The following ADA2 variants were observed in gnomAD, a reference collection of about 807,000 sequenced individuals.
The protein encoded by ADA2 is adenosine deaminase CECR1.
A neutral mutation model predicts 44.2 loss-of-function variants in ADA2; 29 were observed. The observed-to-expected ratio is 0.66, with a 90% CI of 0.49 to 0.89. ADA2 has a LOEUF of 0.89. Among genes scored for constraint, ADA2 ranks in the 40% least tolerant of loss-of-function variants. The pLI is 0.00. For missense variants in ADA2, 637 were observed against 644.8 expected (o/e 0.99, Z 0.13); for synonymous variants, 215 against 234.9 (o/e 0.92, Z 0.77).
Position 17,188,363 on chromosome 22 carries a change from A to G in ADA2, c.1057T>C (p.Tyr353His). 1 of 1,613,970 alleles carries G rather than the reference A, an allele frequency of 6.2e-7. No homozygotes were observed. The highest frequency in any genetic ancestry group is 8.5e-7 in the Non-Finnish European group (1 of 1,179,852). Reference sequence around the variant, plus strand: ...CCTGTTTCTCCGGCGTGGAAGAAGTAAGGCAGCTTAACGCCATCCTTGGCG... The same window carrying G: ...CCTGTTTCTCCGGCGTGGAAGAAGTGAGGCAGCTTAACGCCATCCTTGGCG... ...IPAKDGVKLP[Y>H]FFHAGETDWQ... The change falls in exon 7 of 10, where the codon TAC (tyrosine) becomes CAC (histidine). Residue 353 changes from tyrosine (Y) to histidine (H), a missense_variant. Coordinates refer to ENST00000399837, the MANE Select transcript of ADA2 (RefSeq NM_001282225.2).
intron 1 of ADA2, among the ~76,000 whole-genome samples, chr22:17,211,764 C>T (rs1344513027): frequency 6.6e-6 from 1 of 151,832 alleles, no homozygotes; most frequent in African/African-American, 2.4e-5. Context: ...CCCGTCTCTA[C>T]TGAAAATACA....
At chr22:17,193,242 A>C in intron 4 of ADA2, 2 of 956,676 alleles carry the variant, frequency 2.1e-6, no homozygotes, top group Non-Finnish European at 3.3e-6. Context: ...CCATCGTGGA[A>C]AGAGCTGCCC....
At position 17,195,805 on chromosome 22, in the gene ADA2, G is replaced by C. The variant is rs1367992594; in HGVS notation, c.754-3995C>G. On this transcript the variant is annotated intron_variant, in intron 4 of 9. Coordinates refer to ENST00000399837, the MANE Select transcript of ADA2 (RefSeq NM_001282225.2). ...AGACGGAGTCTCGCTCTGTCACCCA[G>C]GCTGGAGTGCAGTGGTGCGATCTCG... Among the ~76,000 whole-genome samples, 4 of 148,128 alleles carry C rather than the reference G, an allele frequency of 2.7e-5. No homozygotes were observed. In the South Asian group the frequency reaches 8.5e-4, roughly 32 times the overall value.
chr22:17,208,354 A>G (rs757101216), intron 2 of ADA2, among the ~76,000 whole-genome samples: 6 of 150,120 alleles, frequency 4.0e-5, no homozygotes, highest in Non-Finnish European at 8.9e-5. Context: ...AACCTGGAAG[A>G]AGGATGTTGC....
At chr22:17,205,374 G>A (rs2062343024) in intron 3 of ADA2, among the ~76,000 whole-genome samples, 1 of 151,984 alleles carries the variant, frequency 6.6e-6, no homozygotes, top group Admixed American at 6.6e-5. Flanking sequence ...TCAGCCTCCC[G>A]AAGTGCTAGG....
Position 17,193,292 on chromosome 22 carries a change from G to A in ADA2, c.754-1482C>T, listed in dbSNP as rs751910428. ...GTCACCAACCCCAATGCCAGGCTGCGCAGCAAAGAAAATGAGTAGACAGCT... is the reference window on the plus strand; with the variant it reads ...GTCACCAACCCCAATGCCAGGCTGCACAGCAAAGAAAATGAGTAGACAGCT... On this transcript the variant is annotated intron_variant, in intron 4 of 9. Coordinates refer to ENST00000399837, the MANE Select transcript of ADA2 (RefSeq NM_001282225.2). 4.8e-5 allele frequency: 31 copies of A among 643,938 alleles called. 1 individual carries two copies. Among genetic ancestry groups the A allele is most frequent in the East Asian group, 1.8e-4 (6 of 32,676 alleles). 39.9% of individuals were successfully genotyped at this position (643,938 alleles called of 1,614,324 possible).
intron 6 of ADA2, chr22:17,188,825 G>A (rs1254594778): frequency 8.4e-6 from 1 of 119,278 alleles, no homozygotes; most frequent in African/African-American, 3.1e-5. Context: ...CTTGCAGTGA[G>A]CTGAGATCAC....
chr22:17,220,484 G>A (rs1478173306), upstream of ADA2, among the ~76,000 whole-genome samples: 1 of 152,124 alleles, frequency 6.6e-6, no homozygotes, highest in East Asian at 1.9e-4. Context: ...TCCATTGTCA[G>A]AATTAAAGGA....
In ADA2 at chr22:17,181,475, G is replaced by A. The variant is rs985554067; in HGVS notation, c.*8C>T. The A allele has an allele frequency of 1.9e-6, 3 of 1,583,134 alleles. No individual in the cohort carries two copies. The African/African-American group carries it at 4.0e-5, about 21-fold the overall frequency. On this transcript the variant is annotated 3_prime_UTR_variant, in exon 10 of 10. Coordinates refer to ENST00000399837, the MANE Select transcript of ADA2 (RefSeq NM_001282225.2). ...AAGACAGCTTGTAGAGGGCTGGCTA[G>A]CTTCTCCTCACTTTGTAGCCACATC...
chr22:17,215,956 C>T (rs2062466532), intron 1 of ADA2, among the ~76,000 whole-genome samples: 2 of 151,532 alleles, frequency 1.3e-5, no homozygotes, highest in Non-Finnish European at 1.5e-5. Context: ...TAAAAATTAT[C>T]GGCAGGCAGA....
At chr22:17,193,357 G>C in intron 4 of ADA2, 1 of 47,026 alleles carries the variant, frequency 2.1e-5, no homozygotes. Flanking sequence ...CGTAAAAACT[G>C]CAAAAAAAAA....
At chr22:17,182,165 G>A in intron 8 of ADA2, 143 bp from the exon 9 acceptor site, 1 of 658,440 alleles carries the variant, frequency 1.5e-6, no homozygotes, top group Non-Finnish European at 2.6e-6. Flanking sequence ...TCTGGGCAGA[G>A]TCACAAGGAG....
Position 17,182,555 on chromosome 22 carries a change from T to C in ADA2, c.1239+49A>G, listed in dbSNP as rs201026252. The C allele has an allele frequency of 1.2e-5, 19 of 1,582,592 alleles. No individual in the cohort carries two copies. In the East Asian group the frequency reaches 3.6e-4, roughly 30 times the overall value. ...AGCAAAAAGTTTAAGAGAGCAGAGGTTGTGGTTAGGGGAGATCATATGGGA... is the reference window on the plus strand; with the variant it reads ...AGCAAAAAGTTTAAGAGAGCAGAGGCTGTGGTTAGGGGAGATCATATGGGA... On this transcript the variant is annotated intron_variant, in intron 8 of 9. Transcript: ENST00000399837.
At chr22:17,193,132 G>T (rs2062141998) in intron 4 of ADA2, 1 of 1,400,890 alleles carries the variant, frequency 7.1e-7, no homozygotes, top group East Asian at 2.3e-5. Flanking sequence ...GCTTCCAGAA[G>T]TTCCTGGTCC....
chr22:17,214,147 T>C, intron 1 of ADA2: 1 of 734,076 alleles, frequency 1.4e-6, no homozygotes. Flanking sequence ...CAGAGTCAGC[T>C]GGACGAAATA....
intron 5 of ADA2, 130 bp downstream of exon 5, chr22:17,191,553 G>A: frequency 9.8e-7 from 1 of 1,025,510 alleles, no homozygotes; most frequent in Non-Finnish European, 1.5e-6. Context: ...GCACAGCACA[G>A]CTCCTTGGCA....
At chr22:17,219,219 T>A (rs2062501706) in intron 1 of ADA2, 137 bp downstream of exon 1, 1 of 152,290 alleles carries the variant, frequency 6.6e-6, no homozygotes, top group Non-Finnish European at 1.5e-5. Flanking sequence ...AGAAAGCCTG[T>A]TACTCCTCCA....
chr22:17,199,762 T>C, intron 4 of ADA2: 5 of 1,449,450 alleles, frequency 3.4e-6, no homozygotes, highest in Non-Finnish European at 4.5e-6. Flanking sequence ...CTTTGACCTT[T>C]CCAGGCTTTA....
rs767399919 is a variant in ADA2 at position 17,209,400 on chromosome 22, A to G, written c.278T>C (p.Ile93Thr). Residue 93 changes from isoleucine to threonine, a missense_variant, in exon 2 of 10, where the codon ATT becomes ACT. Transcript: ENST00000399837. ...AATATTAAACACTTGACTTCTCTCAATGAGATGCTTGGCCTGGAAAAAGTG... is the reference window on the plus strand; with the variant it reads ...AATATTAAACACTTGACTTCTCTCAGTGAGATGCTTGGCCTGGAAAAAGTG... The part of the protein sequence containing the change: ...SMHFFQAKHL[I>T]ERSQVFNILR... 39 of 1,613,954 alleles carry G rather than the reference A, an allele frequency of 2.4e-5. No homozygotes were observed. The highest frequency in any genetic ancestry group is 1.6e-4 in the Middle Eastern group (1 of 6,084).
Sources: allele counts gnomAD v4.1 joint callset (sites outside exome capture counted in the v4.1 genomes callset), GRCh38; gene constraint gnomAD v4.1.1; transcripts MANE v1.5; gene names NCBI Gene and HGNC (gene_info 2026-07-23, HGNC 2026-07-21).